RPSA2: variants seen among roughly 807,000 people sequenced by gnomAD.
The protein encoded by RPSA2 is ribosomal protein SA 2.
At chr19:23,799,824 A>G in the RPSA2 span, among the ~76,000 whole-genome samples, 1 of 152,356 alleles carries the variant, frequency 6.6e-6, no homozygotes, top group South Asian at 2.1e-4. Flanking sequence ...TTGTCATTGA[A>G]TATAACCAAT....
the RPSA2 span, among the ~76,000 whole-genome samples, chr19:23,816,647 G>A: frequency 2.0e-5 from 3 of 152,018 alleles, no homozygotes; most frequent in South Asian, 6.2e-4. Flanking sequence ...CTATTCATGT[G>A]TTTTCATGCT....
At chr19:23,762,460 G>A in the RPSA2 span, among the ~76,000 whole-genome samples, 94 of 151,844 alleles carry the variant, frequency 6.2e-4, no homozygotes, top group Middle Eastern at 6.8e-3. Flanking sequence ...CGGAACACCT[G>A]GGATCTGGAG....
chr19:23,846,655 A>T, the RPSA2 span, among the ~76,000 whole-genome samples: 5 of 152,156 alleles, frequency 3.3e-5, no homozygotes, highest in African/African-American at 1.2e-4. Context: ...TTTGGCTGGC[A>T]TTTTTCTTTC....
chr19:23,761,935 TGAGATGGA>T, the RPSA2 span, among the ~76,000 whole-genome samples: 35 of 26,180 alleles, frequency 1.3e-3, no homozygotes, highest in Middle Eastern at 0.015. Context: ...TTTTTTTTTT[TGAGATGGA>T]GTCTTGCTCT....
the RPSA2 span, among the ~76,000 whole-genome samples, chr19:23,851,189 C>T: frequency 2.8e-5 from 4 of 144,478 alleles, no homozygotes; most frequent in South Asian, 2.3e-4. Flanking sequence ...ATGTGAGTCA[C>T]ATCCATTTGC....
At chr19:23,804,612 A>G in the RPSA2 span, among the ~76,000 whole-genome samples, 1 of 152,106 alleles carries the variant, frequency 6.6e-6, no homozygotes, top group Non-Finnish European at 1.5e-5. Flanking sequence ...CATTTTTCTA[A>G]ACAGTGCTAA....
chr19:23,790,861 C>A, the RPSA2 span: 1 of 517,456 alleles, frequency 1.9e-6, no homozygotes. Context: ...CAGGCCTCCC[C>A]GCAGTCAGCT....
At chr19:23,812,574 T>A in the RPSA2 span, among the ~76,000 whole-genome samples, 1 of 152,000 alleles carries the variant, frequency 6.6e-6, no homozygotes, top group Admixed American at 6.6e-5. Flanking sequence ...TTTGTATTTT[T>A]CTTTATTAGA....
At chr19:23,761,921 T>TCTCTCTCGCTCTCTCTCTCTCTC in the RPSA2 span, among the ~76,000 whole-genome samples, 1 of 76,198 alleles carries the variant, frequency 1.3e-5, no homozygotes, top group Middle Eastern at 5.7e-3. Flanking sequence ...TCTTTCTTTC[T>TCTCTCTCGCTCTCTCTCTCTCTC]TTTTTTTTTT....
the RPSA2 span, chr19:23,807,688 A>C: frequency 4.8e-6 from 1 of 210,428 alleles, no homozygotes; most frequent in African/African-American, 2.4e-5. Flanking sequence ...GTGTGTTGAC[A>C]ATTATTTTAT....
At chr19:23,857,878 A>G in the RPSA2 span, among the ~76,000 whole-genome samples, 2 of 152,110 alleles carry the variant, frequency 1.3e-5, no homozygotes, top group Non-Finnish European at 2.9e-5. Context: ...TAAAAGTGGA[A>G]TAAACCTTGC....
chr19:23,849,353 G>A, the RPSA2 span, among the ~76,000 whole-genome samples: 1 of 86,504 alleles, frequency 1.2e-5, no homozygotes, highest in Admixed American at 1.2e-4. Context: ...TACCTGGATT[G>A]AGAAGAATTA....
chr19:23,857,203 A>C, the RPSA2 span, among the ~76,000 whole-genome samples: 38 of 152,214 alleles, frequency 2.5e-4, no homozygotes, highest in Non-Finnish European at 4.9e-4. Flanking sequence ...ATATTGTTCA[A>C]ACACACGTTT....
At chr19:23,778,995 C>CTTTT in the RPSA2 span, among the ~76,000 whole-genome samples, 5,411 of 80,574 alleles carry the variant, frequency 0.067, 548 homozygotes, top group African/African-American at 0.11. Flanking sequence ...TTTTGTGACA[C>CTTTT]TTTTTTTTTT....
the RPSA2 span, among the ~76,000 whole-genome samples, chr19:23,797,865 T>A: frequency 6.6e-6 from 1 of 152,222 alleles, no homozygotes; most frequent in Admixed American, 6.5e-5. Context: ...TTCAAGAACA[T>A]GTTTAGAGAC....
At chr19:23,783,630 G>C in the RPSA2 span, among the ~76,000 whole-genome samples, 1 of 151,422 alleles carries the variant, frequency 6.6e-6, no homozygotes, top group Non-Finnish European at 1.5e-5. Context: ...TGCATATTTT[G>C]GTTATTGTGA....
At chr19:23,788,851 A>C in the RPSA2 span, among the ~76,000 whole-genome samples, 5 of 152,092 alleles carry the variant, frequency 3.3e-5, no homozygotes, top group African/African-American at 1.2e-4. Flanking sequence ...CCTCGCCTAC[A>C]TGCTTCATGC....
chr19:23,794,707 A>G, the RPSA2 span, among the ~76,000 whole-genome samples: 1,776 of 152,132 alleles, frequency 0.012, 37 homozygotes, highest in African/African-American at 0.04. Flanking sequence ...CAATTTGTCA[A>G]TTTTTGCTTT....
the RPSA2 span, among the ~76,000 whole-genome samples, chr19:23,820,187 G>C: frequency 6.6e-6 from 1 of 152,172 alleles, no homozygotes; most frequent in African/African-American, 2.4e-5. Context: ...CCTGTATTAG[G>C]TTGTTCTGGG....
Sources: allele counts gnomAD v4.1 joint callset (sites outside exome capture counted in the v4.1 genomes callset), GRCh38; gene constraint gnomAD v4.1.1; transcripts MANE v1.5; gene names NCBI Gene and HGNC (gene_info 2026-07-23, HGNC 2026-07-21).